CNNM2: variants seen among roughly 807,000 people sequenced by gnomAD.
The protein encoded by CNNM2 is metal transporter CNNM2.
Under a neutral mutation model 66.9 loss-of-function variants are expected in CNNM2, and 12 were observed. That is an observed-to-expected ratio of 0.18 (90% CI 0.11 to 0.29). The LOEUF (loss-of-function observed/expected upper bound fraction) is 0.29, where lower values mean the gene tolerates loss of function less well. CNNM2 is among the 10% of genes least tolerant of loss of function. The pLI, the probability that CNNM2 is intolerant of heterozygous loss-of-function variation, is 1.00. For missense variants in CNNM2, 705 were observed against 1,167.7 expected (o/e 0.60, Z 5.77); for synonymous variants, 557 against 501.8 (o/e 1.11, Z -1.47).
chr10:102,920,992 T>TC (rs1434525664), intron 1 of CNNM2: 1 of 640,412 alleles, frequency 1.6e-6, no homozygotes, highest in Non-Finnish European at 1.9e-6. Context: ...TTTAACGTGT[T>TC]CTTTTTTTCC....
chr10:103,005,850 T>C (rs1789612406), intron 1 of CNNM2, among the ~76,000 whole-genome samples: 1 of 152,078 alleles, frequency 6.6e-6, no homozygotes. Flanking sequence ...TGCCTCAGCC[T>C]CCCAAGTAGC....
At chr10:102,985,320 C>G (rs371960869) in intron 1 of CNNM2, among the ~76,000 whole-genome samples, 105 of 151,918 alleles carry the variant, frequency 6.9e-4, no homozygotes, top group African/African-American at 2.2e-3. Flanking sequence ...CCTATTTTGT[C>G]TGATATAGCC....
chr10:102,992,358 T>C (rs1261114916), intron 1 of CNNM2, among the ~76,000 whole-genome samples: 1 of 148,858 alleles, frequency 6.7e-6, no homozygotes, highest in Non-Finnish European at 1.5e-5. Context: ...CTGCAACCTC[T>C]GCCTCCTGGG....
intron 1 of CNNM2, among the ~76,000 whole-genome samples, chr10:102,969,077 C>T (rs905987128): frequency 6.6e-6 from 1 of 151,690 alleles, no homozygotes; most frequent in Admixed American, 6.6e-5. Context: ...CCATGCCTGG[C>T]TAATTTTTTC....
At chr10:102,947,756 AAAAC>A (rs1282783706) in intron 1 of CNNM2, among the ~76,000 whole-genome samples, 3 of 151,936 alleles carry the variant, frequency 2.0e-5, no homozygotes, top group South Asian at 2.1e-4. Flanking sequence ...CTCTGTCTCA[AAAAC>A]AAACAAACAG....
chr10:102,959,669 T>G (rs1341545210), intron 1 of CNNM2, among the ~76,000 whole-genome samples: 1 of 152,202 alleles, frequency 6.6e-6, no homozygotes, highest in African/African-American at 2.4e-5. Flanking sequence ...CTTGAACTTC[T>G]GGGCTCAAGG....
intron 1 of CNNM2, among the ~76,000 whole-genome samples, chr10:102,935,119 A>G (rs1160752275): frequency 4.3e-5 from 6 of 140,206 alleles, no homozygotes; most frequent in Non-Finnish European, 9.1e-5. Flanking sequence ...AGACCGCGCC[A>G]TTGCATTCCA....
chr10:103,018,686 C>CTTT (rs370000130), intron 1 of CNNM2, among the ~76,000 whole-genome samples: 31 of 116,272 alleles, frequency 2.7e-4, no homozygotes, highest in African/African-American at 7.3e-4. Context: ...CTCTTCTTTC[C>CTTT]TTTTTTTTTT....
intron 1 of CNNM2, among the ~76,000 whole-genome samples, chr10:103,019,268 C>CAAAAAA (rs545630160): frequency 1.6e-5 from 1 of 63,626 alleles, no homozygotes; most frequent in Non-Finnish European, 3.3e-5. Flanking sequence ...GACCCTGTCT[C>CAAAAAA]AAAAAAAAAA....
intron 1 of CNNM2, among the ~76,000 whole-genome samples, chr10:102,983,618 TTG>T (rs1195065664): frequency 6.6e-6 from 1 of 152,038 alleles, no homozygotes; most frequent in Admixed American, 6.6e-5. Context: ...TTTTAAATTT[TTG>T]TGTAGAGACA....
At chr10:103,068,464 A>G in intron 4 of CNNM2, 165 bp from the exon 5 acceptor site, 1 of 642,694 alleles carries the variant, frequency 1.6e-6, no homozygotes, top group Non-Finnish European at 2.9e-6. Context: ...TTTAAAGCGA[A>G]TGAGCCCCCT....
Position 102,918,312 on chromosome 10 carries a change from C to G in CNNM2, c.-169C>G, listed in dbSNP as rs1488266832. 1 of 1,199,528 alleles carries G rather than the reference C, an allele frequency of 8.3e-7. No homozygotes were observed. Among genetic ancestry groups the G allele is most frequent in the Non-Finnish European group, 1.1e-6 (1 of 900,504 alleles). 74.3% of individuals were successfully genotyped at this position (1,199,528 alleles called of 1,614,324 possible). A position where few individuals can be genotyped will look rare whatever the true frequency, so the allele number is the denominator to read the frequency against. On this transcript the variant is annotated 5_prime_UTR_variant, in exon 1 of 8. Coordinates refer to ENST00000369878, the MANE Select transcript of CNNM2 (RefSeq NM_017649.5). This position sits in a 1 kb window ranked among gnomAD's most constrained non-coding sequence, Gnocchi z 4.1. ...CTCCTCTCCCTCCCTCTTTCCCTCCCGCGAGCCTCGGGGTTCCTCAGCTGG... is the reference window on the plus strand; with the variant it reads ...CTCCTCTCCCTCCCTCTTTCCCTCCGGCGAGCCTCGGGGTTCCTCAGCTGG...
intron 1 of CNNM2, among the ~76,000 whole-genome samples, chr10:102,961,033 A>G (rs1245696712): frequency 3.3e-5 from 5 of 151,436 alleles, no homozygotes; most frequent in Admixed American, 3.3e-4. Flanking sequence ...ACGCACCACC[A>G]CACCTAGCTA....
chr10:103,061,067 A>G (rs2065378279), intron 4 of CNNM2, among the ~76,000 whole-genome samples: 1 of 152,192 alleles, frequency 6.6e-6, no homozygotes, highest in Admixed American at 6.5e-5. Context: ...AAAAGAGCAA[A>G]GCAGCAAACT....
rs1195854405 is a variant in CNNM2, at chr10:103,054,077, T to G, written c.1766-252T>G. Among the ~76,000 whole-genome samples the G allele has an allele frequency of 6.6e-6, 1 of 152,146 alleles. No homozygotes were observed. Among genetic ancestry groups the G allele is most frequent in the Non-Finnish European group, 1.5e-5 (1 of 68,034 alleles). On this transcript the variant is annotated intron_variant, in intron 2 of 7. Transcript: ENST00000369878. The surrounding 1 kb of genome is among the most constrained non-coding windows in gnomAD (Gnocchi z 5.2). ...GCTCACAAGGGCCCTCTACAGACCT[T>G]CCTGAAGTACATTCACTAATCAGGC...
At chr10:103,009,939 CTTT>C (rs10572558) in intron 1 of CNNM2, among the ~76,000 whole-genome samples, 82 of 147,094 alleles carry the variant, frequency 5.6e-4, no homozygotes, top group African/African-American at 1.2e-3. Flanking sequence ...AAATTTAAGA[CTTT>C]TTTTTTTTTT....
Position 102,979,796 on chromosome 10 carries a change from TA to T in CNNM2, c.1621+59697del, listed in dbSNP as rs11311678. On this transcript the variant is annotated intron_variant, in intron 1 of 7. Transcript: ENST00000369878. The stretch of plus-strand genomic sequence containing the variant: ...AAAATTGATAAAAATTACTTAATTT[TA>T]ATTTTTATTAAAACATAGCTGAAAA... Among the ~76,000 whole-genome samples, 128,103 of 152,126 alleles carry T rather than the reference TA, an allele frequency of 0.84. 54,460 individuals carry two copies. The highest frequency in any genetic ancestry group is 0.96 in the African/African-American group (39,836 of 41,544).
chr10:103,019,099 C>T (rs1466019395), intron 1 of CNNM2, among the ~76,000 whole-genome samples: 1 of 151,576 alleles, frequency 6.6e-6, no homozygotes, highest in Non-Finnish European at 1.5e-5. Flanking sequence ...GAGATCCCAT[C>T]CCTACTAAAA....
chr10:103,062,783 C>G (rs568763501), intron 4 of CNNM2, among the ~76,000 whole-genome samples: 2 of 152,312 alleles, frequency 1.3e-5, no homozygotes, highest in South Asian at 4.1e-4. Flanking sequence ...TACAGTGTGT[C>G]GTGCTATTAT....
Sources: allele counts gnomAD v4.1 joint callset (sites outside exome capture counted in the v4.1 genomes callset), GRCh38; gene constraint gnomAD v4.1.1; non-coding constraint Gnocchi (gnomAD v3.1); transcripts MANE v1.5; gene names NCBI Gene and HGNC (gene_info 2026-07-23, HGNC 2026-07-21).